Variants in STK32B observed in about 807,000 individuals in gnomAD.
The protein encoded by STK32B is serine/threonine-protein kinase 32B.
Under a neutral mutation model 52.6 loss-of-function variants are expected in STK32B, and 43 were observed. That is an observed-to-expected ratio of 0.82 (90% CI 0.64 to 1.05). The LOEUF is 1.05. Among genes scored for constraint, STK32B ranks in the 50% least tolerant of loss-of-function variants. STK32B has a pLI of 0.00. For missense variants in STK32B, 621 were observed against 534.6 expected, an observed-to-expected ratio of 1.16 and a Z score of -1.59; for synonymous variants, 238 against 204.3, an observed-to-expected ratio of 1.17 and a Z score of -1.41.
At chr4:5,212,272 C>T (rs1722950940) in intron 3 of STK32B, among the ~76,000 whole-genome samples, 1 of 152,140 alleles carries the variant, frequency 6.6e-6, no homozygotes, top group South Asian at 2.1e-4. Flanking sequence ...AAAAACATGT[C>T]TAACATGACA....
At chr4:5,252,874 T>G (rs1373474741) in intron 3 of STK32B, among the ~76,000 whole-genome samples, 3 of 152,120 alleles carry the variant, frequency 2.0e-5, no homozygotes, top group Non-Finnish European at 4.4e-5. Flanking sequence ...TGCCATTGAG[T>G]AAGGGCTGAG....
chr4:5,459,127 G>T (rs528172075), intron 8 of STK32B, among the ~76,000 whole-genome samples: 60 of 152,344 alleles, frequency 3.9e-4, no homozygotes, highest in African/African-American at 1.4e-3. Flanking sequence ...CTAAAGAGTG[G>T]CAGCCATGAT....
chr4:5,034,467 T>G, the STK32B span, among the ~76,000 whole-genome samples: 1 of 152,162 alleles, frequency 6.6e-6, no homozygotes, highest in Non-Finnish European at 1.5e-5. Context: ...CTACAAATAT[T>G]TGATGAAGGA....
chr4:5,385,944 CT>C, intron 4 of STK32B, among the ~76,000 whole-genome samples: 2 of 70,908 alleles, frequency 2.8e-5, no homozygotes, highest in African/African-American at 1.3e-4. Context: ...ACAGCCCCCA[CT>C]CACAGCTCCA....
At chr4:5,285,841 G>T (rs1728508336) in intron 3 of STK32B, among the ~76,000 whole-genome samples, 1 of 152,136 alleles carries the variant, frequency 6.6e-6, no homozygotes, top group African/African-American at 2.4e-5. Flanking sequence ...TCTGAATTGT[G>T]TTCTTCCCAA....
intron 3 of STK32B, among the ~76,000 whole-genome samples, chr4:5,273,848 G>T (rs1392125075): frequency 8.1e-6 from 1 of 123,238 alleles, no homozygotes; most frequent in Admixed American, 8.6e-5. Context: ...GTGGTGGGTG[G>T]GGGGAGGGGG....
intron 3 of STK32B, among the ~76,000 whole-genome samples, chr4:5,303,831 T>C (rs909508991): frequency 6.6e-6 from 1 of 152,146 alleles, no homozygotes; most frequent in African/African-American, 2.4e-5. Context: ...TTTAAGTCTT[T>C]TATCCATCTT....
Position 5,469,050 on chromosome 4 carries a change from CAAA to C in STK32B, c.1106+995_1106+997del, listed in dbSNP as rs34295862. Among the ~76,000 whole-genome samples the C allele has an allele frequency of 7.9e-6, 1 of 127,062 alleles. No individual in the cohort carries two copies. The highest frequency in any genetic ancestry group is 2.9e-5 in the African/African-American group (1 of 33,934). 83.4% of individuals were successfully genotyped at this position (127,062 alleles called of 152,430 possible). On this transcript the variant is annotated intron_variant, in intron 11 of 11. Coordinates refer to ENST00000282908, the MANE Select transcript of STK32B (RefSeq NM_018401.3). This position sits in a 1 kb window ranked among gnomAD's most constrained non-coding sequence, Gnocchi z 4.7. ...TGGGCGACAGAGCAAGACTCCGTCT[CAAA>C]AAAAAAAAAAAAAATTATCTAGGGG...
At chr4:5,243,890 T>G (rs908566330) in intron 3 of STK32B, among the ~76,000 whole-genome samples, 36 of 152,352 alleles carry the variant, frequency 2.4e-4, no homozygotes, top group African/African-American at 8.7e-4. Context: ...TTTACTGATG[T>G]TCGTATGTTG....
intron 3 of STK32B, among the ~76,000 whole-genome samples, chr4:5,217,551 T>C (rs1379248256): frequency 6.6e-6 from 1 of 152,236 alleles, no homozygotes; most frequent in Non-Finnish European, 1.5e-5. Context: ...GGTTAACATA[T>C]GGTTTCAATT....
At chr4:5,136,461 A>T (rs542621027) in intron 1 of STK32B, among the ~76,000 whole-genome samples, 1 of 152,330 alleles carries the variant, frequency 6.6e-6, no homozygotes, top group Non-Finnish European at 1.5e-5. Context: ...CTGCTAGCCC[A>T]AGCAGTGCTT....
intron 3 of STK32B, among the ~76,000 whole-genome samples, chr4:5,307,569 T>G (rs1042798759): frequency 6.7e-6 from 1 of 149,302 alleles, no homozygotes; most frequent in Non-Finnish European, 1.5e-5. Flanking sequence ...TTTTTTAGGT[T>G]GAACTTCACC....
intron 3 of STK32B, among the ~76,000 whole-genome samples, chr4:5,228,314 C>G (rs892530201): frequency 6.6e-6 from 1 of 152,116 alleles, no homozygotes; most frequent in Non-Finnish European, 1.5e-5. Flanking sequence ...GCAATTAAAT[C>G]TTTAATTGGA....
chr4:5,073,224 T>A (rs1293477625), intron 1 of STK32B, among the ~76,000 whole-genome samples: 2 of 152,040 alleles, frequency 1.3e-5, no homozygotes, highest in African/African-American at 4.8e-5. Context: ...TTCTGTGTTC[T>A]TTGCTCTATT....
At chr4:5,382,569 C>A (rs1253734634) in intron 4 of STK32B, among the ~76,000 whole-genome samples, 2 of 152,078 alleles carry the variant, frequency 1.3e-5, no homozygotes, top group East Asian at 3.9e-4. Flanking sequence ...GGGTCCCGCT[C>A]TGTGGTCTTC....
At chr4:5,303,521 G>T (rs570533721) in intron 3 of STK32B, among the ~76,000 whole-genome samples, 1 of 152,010 alleles carries the variant, frequency 6.6e-6, no homozygotes, top group South Asian at 2.1e-4. Flanking sequence ...CCCACTTTTT[G>T]GTGGGATTGT....
chr4:5,327,701 C>T (rs1275458804), intron 3 of STK32B, among the ~76,000 whole-genome samples: 6 of 151,996 alleles, frequency 3.9e-5, no homozygotes, highest in African/African-American at 4.8e-5. Context: ...CTTAAGGGCC[C>T]TGGTATTTTC....
chr4:5,133,840 G>A (rs6848850), intron 1 of STK32B, among the ~76,000 whole-genome samples: 2 of 151,548 alleles, frequency 1.3e-5, no homozygotes, highest in African/African-American at 4.9e-5. Flanking sequence ...GTCTATGGCC[G>A]TCATCCTGAC....
At chr4:5,239,610 G>A (rs1158022810) in intron 3 of STK32B, among the ~76,000 whole-genome samples, 1 of 152,124 alleles carries the variant, frequency 6.6e-6, no homozygotes, top group Non-Finnish European at 1.5e-5. Flanking sequence ...CCCAACTGAT[G>A]CTGGGCAAGG....
Sources: allele counts gnomAD v4.1 joint callset (sites outside exome capture counted in the v4.1 genomes callset), GRCh38; gene constraint gnomAD v4.1.1; non-coding constraint Gnocchi (gnomAD v3.1); transcripts MANE v1.5; gene names NCBI Gene and HGNC (gene_info 2026-07-23, HGNC 2026-07-21).